CPVL: variants seen among roughly 807,000 people sequenced by gnomAD.
CPVL encodes the protein carboxypeptidase vitellogenic like.
CPVL carries 51 observed loss-of-function variants against 63.7 expected under a neutral mutation model. The ratio of observed to expected loss-of-function variants is 0.80; its 90% CI spans 0.64 to 1.01. CPVL has a LOEUF of 1.01. Ranked by LOEUF, CPVL falls within the 50% of genes least tolerant of loss-of-function variation. CPVL has a pLI of 0.00. For missense variants in CPVL, 530 were observed against 573.1 expected (o/e 0.92, Z 0.77); for synonymous variants, 195 against 206.0 (o/e 0.95, Z 0.46).
chr7:29,104,450 G>A (rs1034519040), intron 3 of CPVL, among the ~76,000 whole-genome samples: 3 of 152,020 alleles, frequency 2.0e-5, no homozygotes, highest in African/African-American at 4.8e-5. Flanking sequence ...TATTAGAGAC[G>A]GGGTTGCACC....
rs1240163146 is a variant in CPVL, at chr7:29,064,163, C to G, written c.1035G>C (p.Gly345=). Residue 345 remains glycine, a synonymous_variant, in exon 11 of 13, where the codon GGG becomes GGC. Transcript: ENST00000265394. The part of the protein sequence containing the change: ...LPEVRQAIHV[G]NQTFNDGTIV... ...TAGTTCCATCATTAAAAGTCTGATT[C>G]CCCACGTGGATGGCTTGTCTCACCT... The G allele has an allele frequency of 1.9e-6, 3 of 1,612,540 alleles. No homozygotes were observed. The highest frequency in any genetic ancestry group is 2.5e-6 in the Non-Finnish European group (3 of 1,178,624).
At chr7:29,165,356 A>G (rs189520396) in intron 5 of CPVL, among the ~76,000 whole-genome samples, 1 of 152,204 alleles carries the variant, frequency 6.6e-6, no homozygotes, top group African/African-American at 2.4e-5. Flanking sequence ...AACAAAATTG[A>G]TTTTTATATA....
chr7:29,074,683 C>G (rs956834583), intron 7 of CPVL, among the ~76,000 whole-genome samples: 2 of 151,378 alleles, frequency 1.3e-5, no homozygotes, highest in Non-Finnish European at 2.9e-5. Context: ...GGAGTTCTCA[C>G]GAGAGCTGAT....
At chr7:29,059,310 C>T (rs1403926498) in intron 11 of CPVL, among the ~76,000 whole-genome samples, 1 of 152,068 alleles carries the variant, frequency 6.6e-6, no homozygotes, top group African/African-American at 2.4e-5. Flanking sequence ...AGGTTGTCTA[C>T]TTTTTCCATT....
intron 11 of CPVL, among the ~76,000 whole-genome samples, chr7:29,062,157 G>A (rs1562747930): frequency 1.3e-5 from 2 of 152,244 alleles, no homozygotes; most frequent in South Asian, 4.1e-4. Context: ...TTATGGACAG[G>A]TTTATAGATA....
At chr7:29,164,884 A>G (rs957696915) in intron 5 of CPVL, among the ~76,000 whole-genome samples, 1 of 151,792 alleles carries the variant, frequency 6.6e-6, no homozygotes, top group East Asian at 1.9e-4. Context: ...TAAACTTTCT[A>G]GAGTGTTCCA....
chr7:29,046,874 G>C (rs1444719927), intron 11 of CPVL, among the ~76,000 whole-genome samples: 1 of 152,066 alleles, frequency 6.6e-6, no homozygotes, highest in African/African-American at 2.4e-5. Flanking sequence ...TTTAAAATGA[G>C]GATACATCTT....
At chr7:29,004,547 C>T (rs1375612802) in intron 12 of CPVL, among the ~76,000 whole-genome samples, 1 of 152,196 alleles carries the variant, frequency 6.6e-6, no homozygotes, top group Admixed American at 6.5e-5. Flanking sequence ...AATCTAAAAG[C>T]AGAGTACAGG....
chr7:29,162,322 AAAG>A (rs1415563951), intron 5 of CPVL, among the ~76,000 whole-genome samples: 1 of 152,224 alleles, frequency 6.6e-6, no homozygotes, highest in East Asian at 1.9e-4. Context: ...CAGCAATAAA[AAAG>A]AAACAAACTA....
At chr7:29,156,194 G>A (rs913759058) in intron 5 of CPVL, among the ~76,000 whole-genome samples, 2 of 152,118 alleles carry the variant, frequency 1.3e-5, no homozygotes, top group African/African-American at 4.8e-5. Context: ...CACTGGACTC[G>A]TCTGGTTTTG....
At chr7:29,133,207 A>C (rs1584359879) in intron 1 of CPVL, among the ~76,000 whole-genome samples, 1 of 152,026 alleles carries the variant, frequency 6.6e-6, no homozygotes, top group South Asian at 2.1e-4. Context: ...AAAAAAAAAA[A>C]CAAAAAACGC....
rs1790857359 is a variant in CPVL, at chr7:29,133,109, C to T, written c.-10-12038G>A. Among the ~76,000 whole-genome samples the T allele has an allele frequency of 2.6e-5, 4 of 151,108 alleles. No individual in the cohort carries two copies. The South Asian group carries it at 8.3e-4, about 32-fold the overall frequency. On this transcript the variant is annotated intron_variant, in intron 1 of 12. Transcript: ENST00000265394. ...CGTATAGTATCCAAGGTGCAGACAACAGAAAAAGCCCACAGGCTGGTTCAT... is the reference window on the plus strand; with the variant it reads ...CGTATAGTATCCAAGGTGCAGACAATAGAAAAAGCCCACAGGCTGGTTCAT...
In CPVL at chr7:29,092,123, A is replaced by G. The variant is rs541781781; in HGVS notation, c.542+500T>C. Among the ~76,000 whole-genome samples the G allele has an allele frequency of 3.3e-5, 5 of 152,186 alleles. No homozygotes were observed. In the East Asian group the frequency reaches 7.7e-4, roughly 24 times the overall value. On this transcript the variant is annotated intron_variant, in intron 6 of 12. Transcript: ENST00000265394. ...AAATAGCAATGATTAATATGAGTGAAAAAAGGGAGAAATTATATGGACACT... is the reference window on the plus strand; with the variant it reads ...AAATAGCAATGATTAATATGAGTGAGAAAAGGGAGAAATTATATGGACACT...
intron 5 of CPVL, among the ~76,000 whole-genome samples, chr7:29,159,204 G>C (rs1246871215): frequency 2.6e-5 from 4 of 152,226 alleles, no homozygotes; most frequent in African/African-American, 9.6e-5. Flanking sequence ...CAGAAGTTTA[G>C]ACCTGAGATG....
At chr7:29,003,316 C>T (rs1784856281) in intron 12 of CPVL, among the ~76,000 whole-genome samples, 1 of 152,100 alleles carries the variant, frequency 6.6e-6, no homozygotes, top group Admixed American at 6.6e-5. Flanking sequence ...ACAATGAAAG[C>T]TGGAAGACAG....
At chr7:29,036,008 T>G (rs1019139677) in intron 11 of CPVL, among the ~76,000 whole-genome samples, 1 of 152,222 alleles carries the variant, frequency 6.6e-6, no homozygotes, top group Non-Finnish European at 1.5e-5. Context: ...TCCCTAGAAT[T>G]TTCCCCAATC....
rs1036179981 is a variant in CPVL at position 29,078,008 on chromosome 7, T to C, written c.610-5585A>G. 3.3e-5 allele frequency among the ~76,000 whole-genome samples: 5 copies of C among 152,156 alleles called. No individual in the cohort carries two copies. The East Asian group carries it at 9.6e-4, about 29-fold the overall frequency. On this transcript the variant is annotated intron_variant, in intron 7 of 12. Transcript: ENST00000265394. The stretch of plus-strand genomic sequence containing the variant: ...ATGGCCAGTTTAGAAAATTAATGAA[T>C]GAGGAAAGCTGGAATTTCAGTGTTG...
chr7:29,177,976 A>G (rs1797578749), intron 5 of CPVL, among the ~76,000 whole-genome samples: 1 of 152,088 alleles, frequency 6.6e-6, no homozygotes, highest in Non-Finnish European at 1.5e-5. Context: ...TCACCATCAC[A>G]GCAAGTGGCA....
chr7:29,082,860 A>C (rs879755569), intron 7 of CPVL, among the ~76,000 whole-genome samples: 1 of 152,224 alleles, frequency 6.6e-6, no homozygotes, highest in East Asian at 1.9e-4. Context: ...CATCAACATC[A>C]TGGTTAACAA....
Sources: gnomAD v4.1 joint callset for allele counts (sites outside exome capture counted in the v4.1 genomes callset) on GRCh38, gnomAD v4.1.1 for gene constraint, MANE v1.5 for transcripts, NCBI Gene and HGNC (gene_info 2026-07-23, HGNC 2026-07-21) for gene names.